The following TGIF1 variants were observed in gnomAD, a reference collection of about 807,000 sequenced individuals.
TGIF1 encodes TGFB induced factor homeobox 1, also known as homeobox protein TGIF1.
A neutral mutation model predicts 19.3 loss-of-function variants in TGIF1; 4 were observed. That is an observed-to-expected ratio of 0.21 (90% CI 0.10 to 0.47). TGIF1 has a LOEUF of 0.47. Ranked by LOEUF, TGIF1 falls within the 20% of genes least tolerant of loss-of-function variation. TGIF1 has a pLI of 0.98. For missense variants in TGIF1, 275 were observed against 341.4 expected (o/e 0.81, Z 1.53); for synonymous variants, 122 against 129.3 (o/e 0.94, Z 0.38).
At chr18:3,425,472 A>G (rs905969906) in intron 2 of TGIF1, among the ~76,000 whole-genome samples, 1 of 152,202 alleles carries the variant, frequency 6.6e-6, no homozygotes, top group South Asian at 2.1e-4. Context: ...AAGATTTGCA[A>G]CTTCCCCAAT....
chr18:3,432,123 C>CAAAAAAAAAAAAAAAAAAAAAAAAAAA (rs751364681), intron 2 of TGIF1, among the ~76,000 whole-genome samples: 1 of 98,026 alleles, frequency 1.0e-5, no homozygotes, highest in Non-Finnish European at 2.0e-5. Context: ...ACAAAACTGT[C>CAAAAAAAAAAAAAAAAAAAAAAAAAAA]AAAAAAAAAA....
chr18:3,441,732 G>A (rs988379359), intron 2 of TGIF1, among the ~76,000 whole-genome samples: 1 of 152,054 alleles, frequency 6.6e-6, no homozygotes, highest in Non-Finnish European at 1.5e-5. Flanking sequence ...TTTTTTAACC[G>A]AAGGTAGTCA....
At chr18:3,452,408 C>T (rs904947077) in intron 1 of TGIF1, 5 of 1,612,946 alleles carry the variant, frequency 3.1e-6, no homozygotes, top group Admixed American at 1.7e-5. Flanking sequence ...GGAAACTTTG[C>T]GACTGGTTCA....
chr18:3,448,146 G>A (rs1451653490), upstream of TGIF1: 1 of 964,964 alleles, frequency 1.0e-6, no homozygotes, highest in Non-Finnish European at 1.2e-6. Flanking sequence ...CGAGGCAGCC[G>A]AAGCCGCTTT....
intron 2 of TGIF1, among the ~76,000 whole-genome samples, chr18:3,429,204 G>A (rs1011040763): frequency 2.0e-5 from 3 of 152,128 alleles, no homozygotes; most frequent in Non-Finnish European, 4.4e-5. Context: ...CTACAGGCAC[G>A]TGCCACCAGG....
chr18:3,420,413 A>G (rs1179726803), intron 2 of TGIF1, among the ~76,000 whole-genome samples: 1 of 152,148 alleles, frequency 6.6e-6, no homozygotes, highest in Non-Finnish European at 1.5e-5. Flanking sequence ...AAAACCAAAC[A>G]AGAAAGAAAA....
In TGIF1 at chr18:3,457,910, G is replaced by C; in HGVS notation, c.789G>C (p.Glu263Asp). 5 of 1,601,322 alleles carry C rather than the reference G, an allele frequency of 3.1e-6. No individual in the cohort carries two copies. The highest frequency in any genetic ancestry group is 4.2e-6 in the Non-Finnish European group (5 of 1,179,966). ...ATGTTGCACTCAAACGGGCTGCAGA[G>C]ATGGAGCTTCAGGCAAAACTTACAG... ...LVDVALKRAAEMELQAKLTA is the reference protein window; with the variant it reads ...LVDVALKRAADMELQAKLTA Residue 263 changes from glutamate (E) to aspartate (D), a missense_variant, in exon 3 of 3, where the codon GAG (glutamate) becomes GAC (aspartate). Physicochemically the swap from Glu to Asp is conservative, Grantham distance 45. Transcript: ENST00000343820. This position sits in a 1 kb window ranked among gnomAD's most constrained non-coding sequence, Gnocchi z 4.9.
intron 2 of TGIF1, among the ~76,000 whole-genome samples, chr18:3,444,731 T>C (rs1040863859): frequency 1.3e-5 from 2 of 152,044 alleles, no homozygotes; most frequent in Non-Finnish European, 2.9e-5. Context: ...TATTTAATAA[T>C]GAAAATTTTT....
At chr18:3,439,824 C>A (rs1230674060) in intron 2 of TGIF1, among the ~76,000 whole-genome samples, 4 of 151,638 alleles carry the variant, frequency 2.6e-5, no homozygotes, top group Admixed American at 2.6e-4. Context: ...AGTTCAAGAC[C>A]AGACTGGGCA....
chr18:3,422,791 C>T (rs995290727), intron 2 of TGIF1, among the ~76,000 whole-genome samples: 2 of 147,066 alleles, frequency 1.4e-5, no homozygotes, highest in Non-Finnish European at 3.0e-5. Flanking sequence ...CCTGGGTTCA[C>T]ACCATTCTCC....
At chr18:3,418,698 G>A (rs970426038) in intron 2 of TGIF1, 3 of 152,152 alleles carry the variant, frequency 2.0e-5, no homozygotes, top group Non-Finnish European at 2.9e-5. Context: ...AATTTAGGGG[G>A]AAAGGATTAT....
upstream of TGIF1, chr18:3,449,385 G>C: frequency 2.0e-6 from 2 of 985,442 alleles, no homozygotes; most frequent in Non-Finnish European, 2.4e-6. Context: ...GCGCGCGCCC[G>C]GCCGTCCCCG....
At chr18:3,434,088 C>T (rs2082585278) in intron 2 of TGIF1, among the ~76,000 whole-genome samples, 1 of 152,076 alleles carries the variant, frequency 6.6e-6, no homozygotes, top group Non-Finnish European at 1.5e-5. Flanking sequence ...GAGAAACAGC[C>T]CATTTAAATA....
Position 3,459,838 on chromosome 18 carries a change from A to C in TGIF1, c.*1898A>C, listed in dbSNP as rs910515458. 10 of 152,232 alleles carry C rather than the reference A, an allele frequency of 6.6e-5. No individual in the cohort carries two copies. The highest frequency in any genetic ancestry group is 1.9e-4 in the African/African-American group (8 of 41,456). 9.4% of individuals were successfully genotyped at this position (152,232 alleles called of 1,614,324 possible). On this transcript the variant is annotated 3_prime_UTR_variant, in exon 3 of 3. Coordinates refer to ENST00000343820, the MANE Select transcript of TGIF1 (RefSeq NM_003244.4). Reference sequence around the variant, plus strand: ...GGTTGATAATAGTTGGTGTTGAATGAATGTAATCCATTATTTAAAAACAGG... The same window carrying C: ...GGTTGATAATAGTTGGTGTTGAATGCATGTAATCCATTATTTAAAAACAGG...
In TGIF1 at chr18:3,450,195, C is replaced by T; in HGVS notation, c.-295C>T. The T allele has an allele frequency of 2.2e-6, 3 of 1,358,476 alleles. No homozygotes were observed. The highest frequency in any genetic ancestry group is 2.8e-4 in the Middle Eastern group (1 of 3,564). 84.2% of individuals were successfully genotyped at this position (1,358,476 alleles called of 1,614,324 possible). On this transcript the variant is annotated 5_prime_UTR_variant, in exon 1 of 3. Coordinates refer to ENST00000343820, the MANE Select transcript of TGIF1 (RefSeq NM_003244.4). ...TCACTCTGACAGCGCCGAGGTGCGC[C>T]GAGCAGGAGCAGGGAACAAAGGAGC... is the stretch of plus-strand genomic sequence containing the variant.
rs1170715008 is a variant in TGIF1, at chr18:3,450,175, C to T, written c.-315C>T. On this transcript the variant is annotated 5_prime_UTR_variant, in exon 1 of 3. Transcript: ENST00000343820. Reference sequence around the variant, plus strand: ...ACCTTCCCTCCTCGCCTCTCTCACTCTGACAGCGCCGAGGTGCGCCGAGCA... The same window carrying T: ...ACCTTCCCTCCTCGCCTCTCTCACTTTGACAGCGCCGAGGTGCGCCGAGCA... The T allele has an allele frequency of 2.3e-6, 3 of 1,318,466 alleles. No homozygotes were observed. The highest frequency in any genetic ancestry group is 2.9e-6 in the Non-Finnish European group (3 of 1,030,196). The allele number at this position is 1,318,466 out of a possible 1,614,324, so 81.7% of individuals were successfully genotyped here.
upstream of TGIF1, among the ~76,000 whole-genome samples, chr18:3,446,608 AAAG>A (rs746293842): frequency 6.6e-6 from 1 of 152,214 alleles, no homozygotes; most frequent in Non-Finnish European, 1.5e-5. Context: ...ACTAAAAACA[AAAG>A]TAGTAGCACC....
chr18:3,456,513 A>G lies in TGIF1; in HGVS notation c.176A>G (p.Tyr59Cys), dbSNP rs778587523. Reference sequence around the variant, plus strand: ...CGGGATTGGCTGTATGAGCACCGTTACAATGCCTATCCTTCAGAGCAAGAA... The same window carrying G: ...CGGGATTGGCTGTATGAGCACCGTTGCAATGCCTATCCTTCAGAGCAAGAA... ...ILRDWLYEHR[Y>C]NAYPSEQEKA... The change falls in exon 2 of 3, where the codon TAC (tyrosine) becomes TGC (cysteine). Residue 59 changes from tyrosine to cysteine, a missense_variant. By Grantham distance (194) the Tyr-to-Cys change is radical. Coordinates refer to ENST00000343820, the MANE Select transcript of TGIF1 (RefSeq NM_003244.4). This position sits in a 1 kb window ranked among gnomAD's most constrained non-coding sequence, Gnocchi z 4.2. 1.2e-6 allele frequency: 2 copies of G among 1,614,272 alleles called. No homozygotes were observed. Among genetic ancestry groups the G allele is most frequent in the East Asian group, 4.5e-5 (2 of 44,888 alleles).
rs1598861950 is a variant in TGIF1 at position 3,426,175 on chromosome 18, T to TC, written c.-45+7960_-45+7961insC. On this transcript the variant is annotated intron_variant, in intron 2 of 3. Transcript: ENST00000401449. Reference sequence around the variant, plus strand: ...AGTTCTGGCTAGGGTCCTTTTTTTTTTTTTTTTTTTTGAGACAGGGTCTTG... The same window carrying TC: ...AGTTCTGGCTAGGGTCCTTTTTTTTTCTTTTTTTTTTTGAGACAGGGTCTTG... 1.3e-5 allele frequency among the ~76,000 whole-genome samples: 2 copies of TC among 148,392 alleles called. 1 individual carries two copies. The highest frequency in any genetic ancestry group is 3.9e-4 in the East Asian group (2 of 5,164).
Sources: allele counts gnomAD v4.1 joint callset (sites outside exome capture counted in the v4.1 genomes callset), GRCh38; gene constraint gnomAD v4.1.1; non-coding constraint Gnocchi (gnomAD v3.1); transcripts MANE v1.5; gene names NCBI Gene and HGNC (gene_info 2026-07-23, HGNC 2026-07-21).